The following PCDHA5 variants were observed in gnomAD, a reference collection of about 807,000 sequenced individuals.
PCDHA5 encodes protocadherin alpha 5, also known as protocadherin alpha-5.
A neutral mutation model predicts 61.6 loss-of-function variants in PCDHA5; 43 were observed. That is an observed-to-expected ratio of 0.70 (90% CI 0.55 to 0.90). The LOEUF is 0.90. Ranked by LOEUF, PCDHA5 falls within the 40% of genes least tolerant of loss-of-function variation. The pLI, the probability that PCDHA5 is intolerant of heterozygous loss-of-function variation, is 0.00. For missense variants in PCDHA5, 1,298 were observed against 1,222.7 expected (o/e 1.06, Z -0.92); for synonymous variants, 627 against 543.9 (o/e 1.15, Z -2.13).
intron 1 of PCDHA5, among the ~76,000 whole-genome samples, chr5:140,971,749 CAT>C (rs143190557): frequency 0.047 from 7,111 of 152,104 alleles, 190 homozygotes; most frequent in Non-Finnish European, 0.062. Context: ...ACATATATCT[CAT>C]ATTACTGAAT....
intron 1 of PCDHA5, chr5:140,829,485 A>G (rs2150168670): frequency 1.9e-6 from 3 of 1,613,760 alleles, no homozygotes; most frequent in Non-Finnish European, 1.7e-6. Context: ...GTGTTCGTGA[A>G]GGAGAACAAC....
At chr5:140,828,481 G>A (rs2150155852) in intron 1 of PCDHA5, 2 of 1,614,204 alleles carry the variant, frequency 1.2e-6, no homozygotes, top group Admixed American at 1.7e-5. Flanking sequence ...ACGACAACCC[G>A]CCCTTGTTCC....
At chr5:140,960,208 C>T (rs1295278624) in intron 1 of PCDHA5, among the ~76,000 whole-genome samples, 2 of 151,976 alleles carry the variant, frequency 1.3e-5, no homozygotes, top group Non-Finnish European at 2.9e-5. Flanking sequence ...GATGTTATTT[C>T]AGGATCTCAA....
Position 140,833,148 on chromosome 5 carries a change from T to C in PCDHA5, c.2352+9021T>C, listed in dbSNP as rs145941830. On this transcript the variant is annotated intron_variant, in intron 1 of 3. Coordinates refer to ENST00000529859, the MANE Select transcript of PCDHA5 (RefSeq NM_018908.3). The stretch of plus-strand genomic sequence containing the variant: ...AAAGCTGTCAAAAAGTGTGAAGCAA[T>C]ACGAATAAAAAGTATTAACGGAAGA... 2.6e-4 allele frequency among the ~76,000 whole-genome samples: 39 copies of C among 152,250 alleles called. No individual in the cohort carries two copies. The East Asian group carries it at 6.2e-3, about 24-fold the overall frequency.
At chr5:140,966,767 A>T in intron 1 of PCDHA5, 1 of 1,484,362 alleles carries the variant, frequency 6.7e-7, no homozygotes, top group South Asian at 1.3e-5. Context: ...GCCAGTGGCT[A>T]TGGAGCAGGC....
intron 1 of PCDHA5, among the ~76,000 whole-genome samples, chr5:140,916,649 G>A (rs1331435832): frequency 6.6e-6 from 1 of 152,166 alleles, no homozygotes; most frequent in Non-Finnish European, 1.5e-5. Flanking sequence ...TGGCTGAGCT[G>A]GTATCCAAGA....
Position 140,857,572 on chromosome 5 carries a change from G to T in PCDHA5, c.2352+33445G>T, listed in dbSNP as rs144978636. On this transcript the variant is annotated intron_variant, in intron 1 of 3. Coordinates refer to ENST00000529859, the MANE Select transcript of PCDHA5 (RefSeq NM_018908.3). Reference sequence around the variant, plus strand: ...AGCGCTCGCTGTCGAGCTACGTGTCGGTGCACGCGGAGAGCGGCAAGGTGT... The same window carrying T: ...AGCGCTCGCTGTCGAGCTACGTGTCTGTGCACGCGGAGAGCGGCAAGGTGT... 1.0e-5 allele frequency: 16 copies of T among 1,596,716 alleles called. 2 individuals carry two copies. The highest frequency in any genetic ancestry group is 1.4e-5 in the Non-Finnish European group (16 of 1,167,664).
At chr5:140,952,962 C>T (rs246032) in intron 1 of PCDHA5, among the ~76,000 whole-genome samples, 1 of 151,598 alleles carries the variant, frequency 6.6e-6, no homozygotes, top group Non-Finnish European at 1.5e-5. Context: ...GGAAGTGATA[C>T]ACACTTTTAA....
At chr5:140,835,560 G>C in intron 1 of PCDHA5, 1 of 1,613,902 alleles carries the variant, frequency 6.2e-7, no homozygotes. Context: ...GACGCCCCGC[G>C]TTCCCTTCAA....
chr5:140,826,315 G>A (rs1050312950), intron 1 of PCDHA5, among the ~76,000 whole-genome samples: 70 of 151,840 alleles, frequency 4.6e-4, no homozygotes, highest in Non-Finnish European at 4.4e-5. Context: ...TTGTTTTGGG[G>A]ATTGTTTTTG....
intron 1 of PCDHA5, chr5:140,882,627 A>G: frequency 6.2e-7 from 1 of 1,614,136 alleles, no homozygotes; most frequent in Non-Finnish European, 8.5e-7. Flanking sequence ...TTCCATGTGG[A>G]GGTGAAGGTG....
intron 1 of PCDHA5, chr5:140,836,425 G>A (rs2150260582): frequency 1.2e-6 from 2 of 1,613,790 alleles, no homozygotes; most frequent in Admixed American, 1.7e-5. Flanking sequence ...GCGTCGTCGC[G>A]GGCATCGTTG....
At chr5:140,992,319 T>C (rs1474763849) in intron 3 of PCDHA5, among the ~76,000 whole-genome samples, 1 of 152,174 alleles carries the variant, frequency 6.6e-6, no homozygotes, top group Admixed American at 6.6e-5. Context: ...GGGCATTCCC[T>C]TTTCTAAGAG....
chr5:140,839,429 G>A (rs1462017919), intron 1 of PCDHA5, among the ~76,000 whole-genome samples: 4 of 151,864 alleles, frequency 2.6e-5, no homozygotes, highest in Non-Finnish European at 4.4e-5. Context: ...TCACTCTGTA[G>A]CCCAGACTGC....
chr5:140,850,423 C>T (rs782005281), intron 1 of PCDHA5: 4 of 1,597,882 alleles, frequency 2.5e-6, no homozygotes, highest in South Asian at 1.1e-5. Context: ...ACGGACGCAC[C>T]GCGCCAGCGC....
chr5:140,853,354 A>G (rs1391288948), intron 1 of PCDHA5: 1 of 982,096 alleles, frequency 1.0e-6, no homozygotes, highest in African/African-American at 1.8e-5. Flanking sequence ...ACATGAACTC[A>G]CAGGGATCCA....
At chr5:140,885,595 A>G (rs1386755812) in intron 1 of PCDHA5, among the ~76,000 whole-genome samples, 1 of 152,218 alleles carries the variant, frequency 6.6e-6, no homozygotes, top group Non-Finnish European at 1.5e-5. Context: ...CATCAAAGAT[A>G]TTAATAATTT....
At chr5:140,946,295 C>T (rs543000779) in intron 1 of PCDHA5, among the ~76,000 whole-genome samples, 2 of 151,940 alleles carry the variant, frequency 1.3e-5, no homozygotes, top group South Asian at 4.1e-4. Context: ...TCACCTCACA[C>T]CTGGTAGAAT....
intron 1 of PCDHA5, chr5:140,882,621 AT>A (rs1447184799): frequency 1.2e-6 from 2 of 1,614,094 alleles, no homozygotes; most frequent in Non-Finnish European, 1.7e-6. Flanking sequence ...CAGGTTTTCC[AT>A]GTGGAGGTGA....
Sources: allele counts gnomAD v4.1 joint callset (sites outside exome capture counted in the v4.1 genomes callset), GRCh38; gene constraint gnomAD v4.1.1; transcripts MANE v1.5; gene names NCBI Gene and HGNC (gene_info 2026-07-23, HGNC 2026-07-21).